CTBP1: variants seen among roughly 807,000 people sequenced by gnomAD.
CTBP1 encodes C-terminal-binding protein 1.
A neutral mutation model predicts 42.1 loss-of-function variants in CTBP1; 11 were observed. The ratio of observed to expected loss-of-function variants is 0.26; its 90% CI spans 0.16 to 0.43. The LOEUF (loss-of-function observed/expected upper bound fraction) is 0.43. Among genes scored for constraint, CTBP1 ranks in the 20% least tolerant of loss-of-function variants. The pLI is 1.00. For synonymous variants in CTBP1, 324 were observed against 277.1 expected (o/e 1.17, Z -1.68); for missense variants, 399 against 624.3 (o/e 0.64, Z 3.85).
At chr4:1,216,309 C>G (rs1320977508) in intron 5 of CTBP1, 104 bp from the exon 6 acceptor site, 5 of 1,169,628 alleles carry the variant, frequency 4.3e-6, no homozygotes, top group South Asian at 3.0e-5. Context: ...GTTTGACCAT[C>G]TGCCAAGGAT....
chr4:1,225,201 C>T, intron 5 of CTBP1, 159 bp downstream of exon 5: 1 of 837,114 alleles, frequency 1.2e-6, no homozygotes, highest in South Asian at 1.8e-5. Context: ...CCTGGGACTC[C>T]CGGGCCCTGG....
intron 9 of CTBP1, 159 bp from the exon 10 acceptor site, chr4:1,212,582 G>A: frequency 1.4e-6 from 1 of 701,018 alleles, no homozygotes; most frequent in Non-Finnish European, 2.3e-6. Context: ...GCCTATGGCA[G>A]CTACTTCTCA....
intron 7 of CTBP1, 92 bp from the exon 8 acceptor site, chr4:1,213,697 G>T: frequency 6.7e-7 from 1 of 1,488,942 alleles, no homozygotes; most frequent in South Asian, 1.3e-5. Context: ...CCTGTGGGGG[G>T]CCCTGCCTGG....
At chr4:1,247,598 TCCCC>T (rs1166337344) in intron 1 of CTBP1, among the ~76,000 whole-genome samples, 41 of 152,012 alleles carry the variant, frequency 2.7e-4, no homozygotes, top group Non-Finnish European at 2.9e-5. Flanking sequence ...CCCACGGTTC[TCCCC>T]CAACCCTGCC....
At chr4:1,240,073 G>A (rs928828559) in intron 2 of CTBP1, among the ~76,000 whole-genome samples, 2 of 152,248 alleles carry the variant, frequency 1.3e-5, no homozygotes, top group East Asian at 1.9e-4. Flanking sequence ...TGATGAGGAA[G>A]GCATGGACAC....
At chr4:1,216,327 G>A in intron 5 of CTBP1, 122 bp from the exon 6 acceptor site, 1 of 1,036,576 alleles carries the variant, frequency 9.6e-7, no homozygotes, top group Non-Finnish European at 1.4e-6. Context: ...GATGACACCA[G>A]CTGTGGTCAA....
chr4:1,228,651 G>A (rs530009056), intron 3 of CTBP1, among the ~76,000 whole-genome samples: 1 of 141,104 alleles, frequency 7.1e-6, no homozygotes, highest in South Asian at 2.3e-4. Flanking sequence ...CTCCTTTTGA[G>A]CGTGCGCCCC....
intron 1 of CTBP1, 124 bp downstream of exon 1, chr4:1,248,792 C>T: frequency 1.1e-6 from 1 of 949,428 alleles, no homozygotes. Context: ...CGCACGCGCA[C>T]TCGCACACAA....
chr4:1,237,822 C>G, intron 3 of CTBP1: 1 of 696,084 alleles, frequency 1.4e-6, no homozygotes, highest in Non-Finnish European at 2.6e-6. Flanking sequence ...AACGAGTGTC[C>G]ACCTCCTGAT....
At position 1,244,141 on chromosome 4, in the gene CTBP1, A is replaced by G. The variant is rs1237992516; in HGVS notation, c.-188-2622T>C. ...GATGACCCCAGAGCCTCCTGGCCAC[A>G]TGTCAACGCCCTGTCTCTGGATGCA... On this transcript the variant is annotated intron_variant, in intron 1 of 9. Coordinates refer to ENST00000382952, the MANE Select transcript of CTBP1 (RefSeq NM_001012614.2). The G allele has an allele frequency of 1.7e-5, 17 of 985,286 alleles. No homozygotes were observed. The South Asian group carries it at 7.0e-4, about 41-fold the overall frequency. The allele number at this position is 985,286 out of a possible 1,614,324, so 61.0% of individuals were successfully genotyped here.
At chr4:1,242,679 G>A (rs1732301376) in intron 1 of CTBP1, 6 of 985,288 alleles carry the variant, frequency 6.1e-6, no homozygotes, top group African/African-American at 3.5e-5. Context: ...CCTGACGGAG[G>A]GCCCAAGAGC....
chr4:1,240,570 G>C (rs112490659), intron 2 of CTBP1, among the ~76,000 whole-genome samples: 1 of 51,164 alleles, frequency 2.0e-5, no homozygotes, highest in Admixed American at 1.8e-4. Flanking sequence ...CCGCGTGGGG[G>C]ACTCCCGGGT....
rs1343733016 is a variant in CTBP1, at chr4:1,235,774, T to C, written c.162+2409A>G. On this transcript the variant is annotated intron_variant, in intron 3 of 9. Coordinates refer to ENST00000382952, the MANE Select transcript of CTBP1 (RefSeq NM_001012614.2). The surrounding 1 kb of genome is among the most constrained non-coding windows in gnomAD (Gnocchi z 4.2). ...ATCTCCTTGACTGCCTGGTTACCTC[T>C]GTTTGCATGTGATGGACCCCGCACC... The C allele has an allele frequency of 6.6e-6, 1 of 151,900 alleles. No individual in the cohort carries two copies. The highest frequency in any genetic ancestry group is 1.9e-4 in the East Asian group (1 of 5,172). The allele number at this position is 151,900 out of a possible 1,614,324, so 9.4% of individuals were successfully genotyped here.
chr4:1,244,386 G>C, intron 1 of CTBP1: 2 of 984,978 alleles, frequency 2.0e-6, no homozygotes, highest in Non-Finnish European at 2.4e-6. Flanking sequence ...GTCCCAGGGG[G>C]CACCAAGATG....
chr4:1,225,353 G>T lies in CTBP1; in HGVS notation c.514+7C>A. 1 of 1,545,236 alleles carries T rather than the reference G, an allele frequency of 6.5e-7. No individual in the cohort carries two copies. Among genetic ancestry groups the T allele is most frequent in the Non-Finnish European group, 8.7e-7 (1 of 1,150,350 alleles). ...GGGACACAGGCGTGGAGCTGCGGCC[G>T]ACGCACCAAGTCCGATGATGCCCAA... On this transcript the variant is annotated splice_region_variant and intron_variant, in intron 5 of 9. Transcript: ENST00000382952.
intron 4 of CTBP1, 123 bp downstream of exon 4, chr4:1,228,076 C>T (rs1577047246): frequency 1.4e-5 from 20 of 1,390,364 alleles, no homozygotes; most frequent in South Asian, 1.2e-4. Flanking sequence ...CACGAACCAC[C>T]GCCAGCCACA....
chr4:1,241,190 C>T, intron 2 of CTBP1, 135 bp downstream of exon 2: 1 of 756,430 alleles, frequency 1.3e-6, no homozygotes, highest in Non-Finnish European at 2.4e-6. Context: ...CACCGGGGGT[C>T]AGGTGGCAGC....
intron 1 of CTBP1, chr4:1,245,115 C>T (rs989098918): frequency 1.0e-5 from 10 of 985,426 alleles, no homozygotes; most frequent in Non-Finnish European, 1.2e-5. Flanking sequence ...ACGACAGCAC[C>T]CCAGACAGAC....
At chr4:1,229,603 A>T (rs1730749983) in intron 3 of CTBP1, among the ~76,000 whole-genome samples, 1 of 152,152 alleles carries the variant, frequency 6.6e-6, no homozygotes, top group Non-Finnish European at 1.5e-5. Flanking sequence ...GAGCCTGTGG[A>T]TCCCGGGCGG....
Sources: gnomAD v4.1 joint callset for allele counts (sites outside exome capture counted in the v4.1 genomes callset) on GRCh38, gnomAD v4.1.1 for gene constraint, Gnocchi (gnomAD v3.1) non-coding constraint, MANE v1.5 for transcripts, NCBI Gene and HGNC (gene_info 2026-07-23, HGNC 2026-07-21) for gene names.